Variants in BMPR1B observed in about 807,000 individuals in gnomAD.
BMPR1B encodes bone morphogenetic protein receptor type-1B.
Under a neutral mutation model 59.1 loss-of-function variants are expected in BMPR1B, and 12 were observed. The observed-to-expected ratio is 0.20, with a 90% CI of 0.13 to 0.33. The LOEUF (loss-of-function observed/expected upper bound fraction) is 0.33, where lower values mean the gene tolerates loss of function less well. Among genes scored for constraint, BMPR1B ranks in the 10% least tolerant of loss-of-function variants. The pLI is 1.00. For missense variants in BMPR1B, 550 were observed against 610.9 expected (o/e 0.90, Z 1.05); for synonymous variants, 237 against 207.3 (o/e 1.14, Z -1.23).
chr4:94,924,829 G>A (rs1728823331), intron 2 of BMPR1B, among the ~76,000 whole-genome samples: 1 of 152,080 alleles, frequency 6.6e-6, no homozygotes, highest in Admixed American at 6.6e-5. Context: ...GGCCTTACCT[G>A]AGGCTTATAC....
intron 3 of BMPR1B, among the ~76,000 whole-genome samples, chr4:95,044,407 G>T (rs1201229142): frequency 6.6e-6 from 1 of 152,160 alleles, no homozygotes; most frequent in South Asian, 2.1e-4. Flanking sequence ...TTTGTGTCCT[G>T]CCTGCTCTCC....
At chr4:94,936,198 C>A (rs1457701751) in intron 2 of BMPR1B, among the ~76,000 whole-genome samples, 4 of 152,086 alleles carry the variant, frequency 2.6e-5, no homozygotes, top group Non-Finnish European at 4.4e-5. Context: ...TAGTATACCT[C>A]ACAGAAATTA....
intron 1 of BMPR1B, among the ~76,000 whole-genome samples, chr4:94,799,933 A>G (rs1723344164): frequency 1.3e-5 from 2 of 150,662 alleles, no homozygotes; most frequent in Admixed American, 1.3e-4. Flanking sequence ...TCAAGTGATA[A>G]CTTGCCGCAG....
intron 3 of BMPR1B, among the ~76,000 whole-genome samples, chr4:95,099,207 A>G (rs1730650788): frequency 6.6e-6 from 1 of 152,190 alleles, no homozygotes; most frequent in Non-Finnish European, 1.5e-5. Flanking sequence ...TACCATCATG[A>G]AGATTAGCTA....
intron 2 of BMPR1B, among the ~76,000 whole-genome samples, chr4:94,967,711 T>C (rs1730607411): frequency 6.6e-6 from 1 of 152,110 alleles, no homozygotes; most frequent in Non-Finnish European, 1.5e-5. Context: ...CTCGAACTCC[T>C]GACCTCAAGT....
intron 3 of BMPR1B, among the ~76,000 whole-genome samples, chr4:95,010,047 T>A (rs942725247): frequency 2.0e-5 from 3 of 152,062 alleles, no homozygotes; most frequent in African/African-American, 7.2e-5. Flanking sequence ...CCAAACAGAT[T>A]TGGGGGACAC....
chr4:95,025,230 T>C (rs1724272814), intron 3 of BMPR1B, among the ~76,000 whole-genome samples: 1 of 152,046 alleles, frequency 6.6e-6, no homozygotes, highest in East Asian at 1.9e-4. Flanking sequence ...AGAAAAGAGG[T>C]CAAAGAATCA....
intron 1 of BMPR1B, among the ~76,000 whole-genome samples, chr4:94,768,742 A>C (rs1722065937): frequency 6.6e-6 from 1 of 152,144 alleles, no homozygotes; most frequent in Admixed American, 6.5e-5. Flanking sequence ...TTATAAACTA[A>C]TAAGAGCAAG....
intron 3 of BMPR1B, among the ~76,000 whole-genome samples, chr4:95,026,682 TTCCCC>T (rs58113438): frequency 0.027 from 3,793 of 141,130 alleles, 259 homozygotes; most frequent in African/African-American, 0.1. Flanking sequence ...AGGAAGATTT[TTCCCC>T]TCCCCTCCCC....
chr4:95,118,557 C>A (rs1171713720), intron 6 of BMPR1B, among the ~76,000 whole-genome samples: 1 of 152,206 alleles, frequency 6.6e-6, no homozygotes, highest in African/African-American at 2.4e-5. Context: ...TAACTTGCCT[C>A]TCAGAGTGAA....
intron 2 of BMPR1B, among the ~76,000 whole-genome samples, chr4:94,957,831 A>G: frequency 6.6e-6 from 1 of 152,116 alleles, no homozygotes; most frequent in South Asian, 2.1e-4. Context: ...AGGTTTTTGC[A>G]TCGGTGAAAT....
At chr4:94,808,213 C>T (rs1331131901) in intron 1 of BMPR1B, among the ~76,000 whole-genome samples, 1 of 151,982 alleles carries the variant, frequency 6.6e-6, no homozygotes, top group East Asian at 1.9e-4. Flanking sequence ...ATGTTAGATA[C>T]TCAATATACA....
At chr4:94,961,183 C>G (rs562084966) in intron 2 of BMPR1B, among the ~76,000 whole-genome samples, 4 of 152,258 alleles carry the variant, frequency 2.6e-5, no homozygotes, top group Admixed American at 2.6e-4. Context: ...CCCTCCCCAG[C>G]TGTATCTGGT....
intron 2 of BMPR1B, among the ~76,000 whole-genome samples, chr4:94,933,747 GTTCTCAGAGATAT>G (rs1470441853): frequency 6.6e-6 from 1 of 152,090 alleles, no homozygotes; most frequent in Non-Finnish European, 1.5e-5. Flanking sequence ...TCTCATTACT[GTTCTCAGAGATAT>G]TTGAGACAAT....
intron 1 of BMPR1B, among the ~76,000 whole-genome samples, chr4:94,812,286 G>T (rs1723847348): frequency 6.6e-6 from 1 of 152,116 alleles, no homozygotes; most frequent in Admixed American, 6.5e-5. Flanking sequence ...AGTTTTAAGA[G>T]AAAATATAAC....
At position 94,951,898 on chromosome 4, in the gene BMPR1B, T is replaced by G. The variant is rs191692158; in HGVS notation, c.-112-44142T>G. 3.7e-3 allele frequency among the ~76,000 whole-genome samples: 571 copies of G among 152,292 alleles called. 3 individuals are homozygous for G. The highest frequency in any genetic ancestry group is 0.013 in the African/African-American group (548 of 41,554). On this transcript the variant is annotated intron_variant, in intron 2 of 12. Coordinates refer to ENST00000515059, the MANE Select transcript of BMPR1B (RefSeq NM_001203.3). Reference sequence around the variant, plus strand: ...AATTCGTCTGGTCCTGGGCTTTTTTTGGTTGGTAGGGTATTAATTACTACC... The same window carrying G: ...AATTCGTCTGGTCCTGGGCTTTTTTGGGTTGGTAGGGTATTAATTACTACC...
intron 1 of BMPR1B, among the ~76,000 whole-genome samples, chr4:94,829,740 A>G (rs1049199990): frequency 2.0e-5 from 3 of 152,220 alleles, no homozygotes; most frequent in Admixed American, 6.5e-5. Flanking sequence ...CTAGTAAGGA[A>G]GTCCAAGGTG....
intron 2 of BMPR1B, among the ~76,000 whole-genome samples, chr4:94,918,002 T>G (rs1268695449): frequency 3.3e-5 from 5 of 152,058 alleles, no homozygotes; most frequent in Non-Finnish European, 5.9e-5. Context: ...GCTTGCACCA[T>G]GTGACATGCC....
At chr4:95,057,813 GTTAT>G (rs1480733125) in intron 3 of BMPR1B, among the ~76,000 whole-genome samples, 4 of 152,090 alleles carry the variant, frequency 2.6e-5, no homozygotes, top group African/African-American at 9.7e-5. Flanking sequence ...TAGCAAATGA[GTTAT>G]TTATCAACTA....
Sources: allele counts gnomAD v4.1 joint callset (sites outside exome capture counted in the v4.1 genomes callset), GRCh38; gene constraint gnomAD v4.1.1; transcripts MANE v1.5; gene names NCBI Gene and HGNC (gene_info 2026-07-23, HGNC 2026-07-21).